Variants in MSRA observed in about 807,000 individuals in gnomAD.
MSRA encodes mitochondrial peptide methionine sulfoxide reductase.
MSRA carries 54 observed loss-of-function variants against 31.3 expected under a neutral mutation model. That is an observed-to-expected ratio of 1.73 (90% CI 1.39 to 2.17). The LOEUF is 2.17. MSRA is among the 30% of genes most tolerant of loss of function. The pLI is 0.00. For synonymous variants in MSRA, 169 were observed against 116.5 expected, an observed-to-expected ratio of 1.45 and a Z score of -2.90; for missense variants, 507 against 300.9, an observed-to-expected ratio of 1.69 and a Z score of -5.07.
rs7830485 is a variant in MSRA at position 10,412,331 on chromosome 8, G to T, written c.544-15817G>T. On this transcript the variant is annotated intron_variant, in intron 5 of 5. Transcript: ENST00000317173. ...AATTACAAGGGCCACAGGCTTGTCA[G>T]TTCTGGTTCCCTGGTACTTTGTGTA... Among the ~76,000 whole-genome samples, 8 of 152,360 alleles carry T rather than the reference G, an allele frequency of 5.3e-5. No individual in the cohort carries two copies. The South Asian group carries it at 1.2e-3, about 24-fold the overall frequency.
chr8:10,228,441 T>C (rs1811183366), intron 2 of MSRA, among the ~76,000 whole-genome samples: 1 of 152,128 alleles, frequency 6.6e-6, no homozygotes, highest in South Asian at 2.1e-4. Flanking sequence ...CATAAAATTA[T>C]GCTCCCTTCC....
chr8:10,163,189 C>T (rs145934836), intron 1 of MSRA, among the ~76,000 whole-genome samples: 1 of 152,260 alleles, frequency 6.6e-6, no homozygotes, highest in African/African-American at 2.4e-5. Flanking sequence ...GACTTCCAGC[C>T]TCAGAACCAT....
At chr8:10,131,015 C>G (rs866464743) in intron 1 of MSRA, among the ~76,000 whole-genome samples, 5 of 152,192 alleles carry the variant, frequency 3.3e-5, no homozygotes, top group African/African-American at 1.2e-4. Flanking sequence ...GTGGAGCAAG[C>G]TCAGCTTGTT....
At chr8:10,250,463 C>A (rs966751339) in intron 3 of MSRA, 1 of 702,232 alleles carries the variant, frequency 1.4e-6, no homozygotes, top group Non-Finnish European at 2.6e-6. Flanking sequence ...TATTCAAAAG[C>A]TTTTAGAAAT....
At chr8:10,092,240 T>A (rs1411051762) in intron 1 of MSRA, among the ~76,000 whole-genome samples, 2 of 152,222 alleles carry the variant, frequency 1.3e-5, no homozygotes, top group South Asian at 4.1e-4. Context: ...TTGGTCTGTA[T>A]TGAGTTCTAC....
chr8:10,084,401 G>T (rs1470752724), intron 1 of MSRA, among the ~76,000 whole-genome samples: 1 of 152,242 alleles, frequency 6.6e-6, no homozygotes, highest in Non-Finnish European at 1.5e-5. Context: ...TGCTTGGATC[G>T]TTGTAATAGT....
chr8:10,367,860 C>G (rs145184450), intron 5 of MSRA, among the ~76,000 whole-genome samples: 1 of 152,186 alleles, frequency 6.6e-6, no homozygotes, highest in Admixed American at 6.5e-5. Context: ...TCTAGTTTGC[C>G]TGAGAAGCCC....
At chr8:10,065,395 C>T (rs1459383176) in intron 1 of MSRA, among the ~76,000 whole-genome samples, 3 of 152,132 alleles carry the variant, frequency 2.0e-5, no homozygotes, top group Non-Finnish European at 4.4e-5. Flanking sequence ...TTTTTTTCTT[C>T]AGGCTTATGC....
intron 5 of MSRA, among the ~76,000 whole-genome samples, chr8:10,361,580 G>T (rs1307216490): frequency 1.3e-5 from 2 of 152,116 alleles, no homozygotes; most frequent in Admixed American, 1.3e-4. Flanking sequence ...GCAAACTCGG[G>T]ATGTAAACAC....
At chr8:10,264,173 A>C (rs1199865374) in intron 3 of MSRA, among the ~76,000 whole-genome samples, 4 of 152,216 alleles carry the variant, frequency 2.6e-5, no homozygotes, top group Non-Finnish European at 5.9e-5. Flanking sequence ...TTTTTGTGAA[A>C]GTCAGGTGAA....
At chr8:10,211,463 T>C (rs1453725428) in intron 2 of MSRA, among the ~76,000 whole-genome samples, 1 of 152,124 alleles carries the variant, frequency 6.6e-6, no homozygotes, top group Non-Finnish European at 1.5e-5. Context: ...CTTGGGGGCT[T>C]CTCCTACCTG....
intron 2 of MSRA, among the ~76,000 whole-genome samples, chr8:10,230,698 G>T (rs1811387299): frequency 6.6e-6 from 1 of 152,168 alleles, no homozygotes; most frequent in African/African-American, 2.4e-5. Context: ...GCAAAAAGAA[G>T]AACATAAAAA....
At chr8:10,405,938 T>TCA (rs747812830) in intron 5 of MSRA, among the ~76,000 whole-genome samples, 1 of 152,202 alleles carries the variant, frequency 6.6e-6, no homozygotes, top group South Asian at 2.1e-4. Context: ...TCACATGTGC[T>TCA]CACACACACA....
chr8:10,403,780 A>G (rs1807617211), intron 5 of MSRA, among the ~76,000 whole-genome samples: 1 of 152,212 alleles, frequency 6.6e-6, no homozygotes, highest in African/African-American at 2.4e-5. Context: ...GCTGAGGCAG[A>G]CGGGCGGGAC....
At chr8:10,101,600 A>T (rs1297007416) in intron 1 of MSRA, among the ~76,000 whole-genome samples, 1 of 152,162 alleles carries the variant, frequency 6.6e-6, no homozygotes, top group Non-Finnish European at 1.5e-5. Flanking sequence ...TATGAATTTG[A>T]CTACTTCAGG....
At chr8:10,270,283 G>A (rs1798960762) in intron 3 of MSRA, among the ~76,000 whole-genome samples, 1 of 152,132 alleles carries the variant, frequency 6.6e-6, no homozygotes, top group South Asian at 2.1e-4. Flanking sequence ...TCTGTTTCAA[G>A]TTAATGCACA....
intron 1 of MSRA, among the ~76,000 whole-genome samples, chr8:10,153,742 A>G (rs1268726723): frequency 6.6e-6 from 1 of 152,200 alleles, no homozygotes; most frequent in African/African-American, 2.4e-5. Flanking sequence ...GTTCGCTATC[A>G]CGTTAAGAAA....
chr8:10,265,375 G>A (rs7844053), intron 3 of MSRA, among the ~76,000 whole-genome samples: 2,866 of 152,294 alleles, frequency 0.019, 36 homozygotes, highest in Non-Finnish European at 0.029. Context: ...GCAGCATTCA[G>A]CTCTGGGGTG....
chr8:10,107,512 T>C (rs971363647), intron 1 of MSRA, among the ~76,000 whole-genome samples: 23 of 152,312 alleles, frequency 1.5e-4, no homozygotes, highest in African/African-American at 4.3e-4. Context: ...AACATTCCTG[T>C]TTCATCTTCC....
Sources: allele counts gnomAD v4.1 joint callset (sites outside exome capture counted in the v4.1 genomes callset), GRCh38; gene constraint gnomAD v4.1.1; transcripts MANE v1.5; gene names NCBI Gene and HGNC (gene_info 2026-07-23, HGNC 2026-07-21).